The following BANP variants were observed in gnomAD, a reference collection of about 807,000 sequenced individuals.
BANP encodes the protein protein BANP.
Under a neutral mutation model 68.1 loss-of-function variants are expected in BANP, and 11 were observed. The ratio of observed to expected loss-of-function variants is 0.16; its 90% CI spans 0.10 to 0.27. The LOEUF is 0.27. Ranked by LOEUF, BANP falls within the 10% of genes least tolerant of loss-of-function variation. The pLI is 1.00. For missense variants in BANP, 504 were observed against 722.7 expected (o/e 0.70, Z 3.47); for synonymous variants, 329 against 303.2 (o/e 1.09, Z -0.88).
chr16:88,024,673 G>A (rs964569158), intron 7 of BANP, among the ~76,000 whole-genome samples: 3 of 152,226 alleles, frequency 2.0e-5, no homozygotes, highest in Admixed American at 6.5e-5. Context: ...TGCACTCTGC[G>A]GGCAGCACTT....
chr16:88,021,313 G>C (rs1053845748), intron 7 of BANP, among the ~76,000 whole-genome samples: 1 of 152,186 alleles, frequency 6.6e-6, no homozygotes, highest in African/African-American at 2.4e-5. Flanking sequence ...CCGTCATTCT[G>C]CTGGAAGTCC....
intron 11 of BANP, among the ~76,000 whole-genome samples, chr16:88,063,123 AGC>A (rs1278255098): frequency 3.9e-5 from 6 of 152,256 alleles, no homozygotes; most frequent in African/African-American, 1.4e-4. Context: ...AGCGCAGCCA[AGC>A]GGAGGGCGCA....
At chr16:88,016,744 G>A (rs1268863576) in intron 6 of BANP, among the ~76,000 whole-genome samples, 1 of 152,200 alleles carries the variant, frequency 6.6e-6, no homozygotes, top group Non-Finnish European at 1.5e-5. Context: ...ATATACAGGT[G>A]GAATGTAATA....
rs145105782 is a variant in BANP at position 88,028,688 on chromosome 16, T to A, written c.1063+1038T>A. The stretch of plus-strand genomic sequence containing the variant: ...AGTCCTGGGGTGTGGGTTAAGGGCA[T>A]TCACTGAAATACCATGTAGCAGCGT... On this transcript the variant is annotated intron_variant, in intron 8 of 13. Transcript: ENST00000682872. 4.4e-3 allele frequency among the ~76,000 whole-genome samples: 668 copies of A among 152,360 alleles called. 5 individuals are homozygous for A. Among genetic ancestry groups the A allele is most frequent in the African/African-American group, 0.015 (603 of 41,570 alleles).
chr16:88,075,366 G>C (rs1289040866), intron 13 of BANP, among the ~76,000 whole-genome samples: 5 of 152,188 alleles, frequency 3.3e-5, no homozygotes, highest in African/African-American at 7.2e-5. Flanking sequence ...AGCCGGGCGT[G>C]GTGGTGTGCA....
chr16:88,052,208 A>C (rs932252225), intron 11 of BANP, among the ~76,000 whole-genome samples: 3 of 152,206 alleles, frequency 2.0e-5, no homozygotes, highest in African/African-American at 7.2e-5. Context: ...CTTCAGCTCA[A>C]ATGTAGCATA....
At chr16:87,971,439 G>A (rs887370711) in intron 1 of BANP, among the ~76,000 whole-genome samples, 1 of 152,056 alleles carries the variant, frequency 6.6e-6, no homozygotes, top group Non-Finnish European at 1.5e-5. Flanking sequence ...AAGTAATTTT[G>A]TCTGGATATA....
At chr16:87,979,422 C>T (rs1025474942) in intron 2 of BANP, among the ~76,000 whole-genome samples, 1 of 152,082 alleles carries the variant, frequency 6.6e-6, no homozygotes, top group Non-Finnish European at 1.5e-5. Context: ...ACAGTATAAA[C>T]CGGTGTGAGT....
At chr16:88,023,672 C>T (rs2076433201) in intron 7 of BANP, among the ~76,000 whole-genome samples, 1 of 152,228 alleles carries the variant, frequency 6.6e-6, no homozygotes, top group South Asian at 2.1e-4. Context: ...TCTCGCTTCC[C>T]ACAGTGCCTC....
chr16:88,043,682 C>T (rs56074704), intron 11 of BANP, among the ~76,000 whole-genome samples: 4,128 of 152,276 alleles, frequency 0.027, 88 homozygotes, highest in Middle Eastern at 0.068. Context: ...CAATCAGGGG[C>T]ATCTGGAATT....
At position 88,064,209 on chromosome 16, in the gene BANP, G is replaced by C. The variant is rs535803826; in HGVS notation, c.1312-1058G>C. ...GGGCTTGAGAGGCGCAGGGGAGCAG[G>C]GGGGGAGAGTGGACAGCGAGGCGGT... On this transcript the variant is annotated intron_variant, in intron 11 of 13. Transcript: ENST00000682872. The surrounding 1 kb of genome is among the most constrained non-coding windows in gnomAD (Gnocchi z 4.5). Among the ~76,000 whole-genome samples, 9 of 152,100 alleles carry C rather than the reference G, an allele frequency of 5.9e-5. No individual in the cohort carries two copies. Among genetic ancestry groups the C allele is most frequent in the South Asian group, 2.1e-4 (1 of 4,806 alleles).
chr16:88,026,385 C>T (rs748208326), intron 7 of BANP, among the ~76,000 whole-genome samples: 4 of 152,190 alleles, frequency 2.6e-5, no homozygotes, highest in African/African-American at 7.2e-5. Flanking sequence ...ACCTGAGCAG[C>T]GATGGGAGGG....
chr16:88,032,936 A>G (rs2078518112), intron 8 of BANP, among the ~76,000 whole-genome samples, 173 bp from the exon 9 acceptor site: 1 of 152,202 alleles, frequency 6.6e-6, no homozygotes, highest in Admixed American at 6.5e-5. Flanking sequence ...CCTAAGACTC[A>G]CTGGTAGTGA....
In BANP at chr16:88,006,189, C is replaced by G; in HGVS notation, c.579C>G (p.Asp193Glu). The G allele has an allele frequency of 1.2e-6, 2 of 1,613,916 alleles. No individual in the cohort carries two copies. The highest frequency in any genetic ancestry group is 1.7e-6 in the Non-Finnish European group (2 of 1,179,950). ...EDGESGSEASDSVSSCGQAGS... is the reference protein window; with the variant it reads ...EDGESGSEASESVSSCGQAGS... ...GGGAGAGCGGCTCGGAGGCCAGCGA[C>G]TCTGTGTCCAGCTGTGGGCAGGCGG... The change falls in exon 6 of 14, where the codon GAC (aspartate) becomes GAG (glutamate). Residue 193 changes from aspartate (D) to glutamate (E), a missense_variant. Asp to Glu is a conservative substitution (Grantham distance 45). Around this residue, in one of 3 missense-constraint regions of BANP, gnomAD observed 238 missense variants for 278.9 expected, o/e 0.85. Coordinates refer to ENST00000682872, the MANE Select transcript of BANP (RefSeq NM_001386991.1).
intron 11 of BANP, among the ~76,000 whole-genome samples, chr16:88,062,884 A>G (rs1418749402): frequency 6.6e-6 from 1 of 152,150 alleles, no homozygotes; most frequent in African/African-American, 2.4e-5. Flanking sequence ...GCTCCATCCT[A>G]CCGGCAGCAG....
chr16:88,047,930 T>G, intron 11 of BANP, among the ~76,000 whole-genome samples: 1 of 152,242 alleles, frequency 6.6e-6, no homozygotes, highest in East Asian at 1.9e-4. Flanking sequence ...TTAACCCTGA[T>G]TAGCAGGGTC....
At chr16:88,032,912 C>T (rs192019591) in intron 8 of BANP, among the ~76,000 whole-genome samples, 197 bp from the exon 9 acceptor site, 1 of 152,212 alleles carries the variant, frequency 6.6e-6, no homozygotes, top group African/African-American at 2.4e-5. Context: ...CATTCCATGT[C>T]GGAAGCCTCA....
intron 8 of BANP, among the ~76,000 whole-genome samples, chr16:88,030,937 T>C (rs2078035256): frequency 6.6e-6 from 1 of 152,220 alleles, no homozygotes; most frequent in South Asian, 2.1e-4. Flanking sequence ...TGATAATGCT[T>C]AGATGCCTGG....
At chr16:88,053,790 T>C (rs1447091828) in intron 11 of BANP, among the ~76,000 whole-genome samples, 1 of 115,882 alleles carries the variant, frequency 8.6e-6, no homozygotes, top group Non-Finnish European at 1.7e-5. Context: ...TAACAACCAC[T>C]ACCACCACCA....
Sources: allele counts gnomAD v4.1 joint callset (sites outside exome capture counted in the v4.1 genomes callset), GRCh38; gene constraint gnomAD v4.1.1; regional missense constraint gnomAD v4.1.1; non-coding constraint Gnocchi (gnomAD v3.1); transcripts MANE v1.5; gene names NCBI Gene and HGNC (gene_info 2026-07-23, HGNC 2026-07-21).